PPP1R9A: variants seen among roughly 807,000 people sequenced by gnomAD.
The protein encoded by PPP1R9A is protein phosphatase 1 regulatory subunit 9A.
A neutral mutation model predicts 141.9 loss-of-function variants in PPP1R9A; 59 were observed. The ratio of observed to expected loss-of-function variants is 0.42; its 90% confidence interval spans 0.34 to 0.52. The LOEUF (loss-of-function observed/expected upper bound fraction) is 0.52, where lower values mean the gene tolerates loss of function less well. PPP1R9A is among the 20% of genes least tolerant of loss of function. The pLI, the probability that PPP1R9A is intolerant of heterozygous loss-of-function variation, is 0.10. For synonymous variants in PPP1R9A, 500 were observed against 569.7 expected (o/e 0.88, Z 1.74); for missense variants, 1,444 against 1,611.9 (o/e 0.90, Z 1.78).
At chr7:95,190,883 C>T (rs1391067045) in intron 5 of PPP1R9A, among the ~76,000 whole-genome samples, 1 of 152,210 alleles carries the variant, frequency 6.6e-6, no homozygotes, top group African/African-American at 2.4e-5. Flanking sequence ...GCCATCTTGA[C>T]TCCACAATCA....
At chr7:95,147,213 C>T (rs916156170) in intron 4 of PPP1R9A, among the ~76,000 whole-genome samples, 1 of 152,166 alleles carries the variant, frequency 6.6e-6, no homozygotes, top group East Asian at 1.9e-4. Context: ...TCCTCCACAT[C>T]GCTTGTAAGT....
chr7:94,910,684 C>T lies in PPP1R9A; in HGVS notation c.571C>T (p.Leu191Phe). ...NRGSTDSLDS[L>F]SSRTEAVSPT... is the part of the protein sequence containing the mutation. ...AGGCAGTACTGATTCCTTGGACAGC[C>T]TTAGCTCCCGAACTGAGGCTGTCTC... Residue 191 changes from leucine to phenylalanine, a missense_variant, in exon 2 of 20, where the codon CTT becomes TTT. By Grantham distance (22) the Leu-to-Phe change is conservative (BLOSUM62 0). Coordinates refer to ENST00000433360, the MANE Select transcript of PPP1R9A (RefSeq NM_001166160.2). This position sits in a 1 kb window ranked among gnomAD's most constrained non-coding sequence, Gnocchi z 4.5. 6.2e-7 allele frequency: 1 copy of T among 1,614,152 alleles called. No individual in the cohort carries two copies. The highest frequency in any genetic ancestry group is 1.1e-5 in the South Asian group (1 of 91,078).
intron 2 of PPP1R9A, among the ~76,000 whole-genome samples, chr7:95,087,193 T>C (rs1418319259): frequency 2.0e-5 from 3 of 151,996 alleles, no homozygotes; most frequent in Non-Finnish European, 4.4e-5. Flanking sequence ...CTGCCTTCTG[T>C]AATAGTTTCT....
chr7:95,039,245 A>G (rs1257167660), intron 2 of PPP1R9A, among the ~76,000 whole-genome samples: 1 of 152,178 alleles, frequency 6.6e-6, no homozygotes, highest in Non-Finnish European at 1.5e-5. Flanking sequence ...CAGATGGGCT[A>G]TGTAAGAATG....
intron 2 of PPP1R9A, among the ~76,000 whole-genome samples, chr7:95,006,972 C>T (rs989973181): frequency 1.3e-5 from 2 of 152,060 alleles, no homozygotes; most frequent in Non-Finnish European, 2.9e-5. Flanking sequence ...AAGCAGGTCT[C>T]CTGCCTCAGC....
rs114347086 is a variant in PPP1R9A at position 95,003,953 on chromosome 7, G to T, written c.1395+92445G>T. ...TCTAAAAGATCAAGGTAGGGAGCAG[G>T]TGAAGGCTTGGATTTTGCACCCTTT... On this transcript the variant is annotated intron_variant, in intron 2 of 19. Coordinates refer to ENST00000433360, the MANE Select transcript of PPP1R9A (RefSeq NM_001166160.2). Among the ~76,000 whole-genome samples, 877 of 152,258 alleles carry T rather than the reference G, an allele frequency of 5.8e-3. 12 individuals are homozygous for T. The highest frequency in any genetic ancestry group is 0.02 in the African/African-American group (833 of 41,562).
At chr7:95,006,418 C>G (rs186195253) in intron 2 of PPP1R9A, among the ~76,000 whole-genome samples, 1 of 151,876 alleles carries the variant, frequency 6.6e-6, no homozygotes, top group African/African-American at 2.4e-5. Context: ...AGGGTTTTAC[C>G]GTGTTGGCCA....
chr7:95,287,273 C>G, intron 18 of PPP1R9A: 1 of 1,062,920 alleles, frequency 9.4e-7, no homozygotes, highest in Non-Finnish European at 1.4e-6. Context: ...TGTTAAATAG[C>G]TTTACTCTCT....
At chr7:95,186,601 CA>C (rs1405981729) in intron 5 of PPP1R9A, among the ~76,000 whole-genome samples, 4 of 152,006 alleles carry the variant, frequency 2.6e-5, no homozygotes, top group Non-Finnish European at 5.9e-5. Context: ...TTCTAGTTCT[CA>C]GGAGGAATGC....
chr7:95,264,076 ACT>A (rs1800873707), intron 12 of PPP1R9A, among the ~76,000 whole-genome samples: 1 of 152,090 alleles, frequency 6.6e-6, no homozygotes, highest in South Asian at 2.1e-4. Context: ...CTCCAGGTCT[ACT>A]CTCATGGTAA....
intron 4 of PPP1R9A, among the ~76,000 whole-genome samples, chr7:95,122,397 T>C (rs1822798625): frequency 6.6e-6 from 1 of 152,190 alleles, no homozygotes; most frequent in Admixed American, 6.5e-5. Flanking sequence ...CCCACCTGCC[T>C]TGGCCTCCCA....
chr7:95,077,413 A>T (rs959820188), intron 2 of PPP1R9A, among the ~76,000 whole-genome samples: 24 of 151,960 alleles, frequency 1.6e-4, no homozygotes, highest in African/African-American at 5.3e-4. Context: ...CTTCCCCCTC[A>T]TCTTTTTGAC....
chr7:95,240,991 T>TTCTAGA (rs1165861941), intron 8 of PPP1R9A, among the ~76,000 whole-genome samples: 2 of 152,128 alleles, frequency 1.3e-5, no homozygotes, highest in African/African-American at 2.4e-5. Context: ...TGAATCTCAT[T>TTCTAGA]TCTAGACTTA....
chr7:95,248,278 C>G, intron 9 of PPP1R9A, among the ~76,000 whole-genome samples: 1 of 150,428 alleles, frequency 6.6e-6, no homozygotes, highest in South Asian at 2.1e-4. Flanking sequence ...TCCCCCGCCC[C>G]CAATCACCAC....
chr7:94,948,036 A>ACAGTC (rs1796077641), intron 2 of PPP1R9A, among the ~76,000 whole-genome samples: 1 of 152,078 alleles, frequency 6.6e-6, no homozygotes, highest in Non-Finnish European at 1.5e-5. Flanking sequence ...AGCTCTGTAT[A>ACAGTC]CAGTCCATCT....
chr7:95,152,098 C>T (rs932539984), intron 4 of PPP1R9A, among the ~76,000 whole-genome samples: 3 of 151,550 alleles, frequency 2.0e-5, no homozygotes, highest in Middle Eastern at 3.2e-3. Context: ...ACTACAGGTG[C>T]GTGCCACCAC....
chr7:94,944,508 G>A (rs1390906926), intron 2 of PPP1R9A, among the ~76,000 whole-genome samples: 4 of 137,718 alleles, frequency 2.9e-5, no homozygotes, highest in Non-Finnish European at 4.5e-5. Context: ...GTGAGTCATC[G>A]TTCTTTAGAT....
chr7:95,147,739 A>C (rs1238886377), intron 4 of PPP1R9A, among the ~76,000 whole-genome samples: 4 of 152,170 alleles, frequency 2.6e-5, no homozygotes, highest in African/African-American at 9.6e-5. Context: ...CCTTTTCCAC[A>C]TCTATTGAGA....
At chr7:95,164,736 C>CTTTTTT (rs1830943572) in intron 5 of PPP1R9A, among the ~76,000 whole-genome samples, 1 of 73,562 alleles carries the variant, frequency 1.4e-5, no homozygotes, top group African/African-American at 5.5e-5. Context: ...TTTTTCTTTT[C>CTTTTTT]TTTTCTTTTT....
Sources: gnomAD v4.1 joint callset for allele counts (sites outside exome capture counted in the v4.1 genomes callset) on GRCh38, gnomAD v4.1.1 for gene constraint, Gnocchi (gnomAD v3.1) non-coding constraint, MANE v1.5 for transcripts, NCBI Gene and HGNC (gene_info 2026-07-23, HGNC 2026-07-21) for gene names.